Variants in GABRR2 observed in about 807,000 individuals in gnomAD.
The protein encoded by GABRR2 is gamma-aminobutyric acid type A receptor subunit rho2, also known as gamma-aminobutyric acid receptor subunit rho-2.
Under a neutral mutation model 47.0 loss-of-function variants are expected in GABRR2, and 36 were observed. The ratio of observed to expected loss-of-function variants is 0.77; its 90% CI spans 0.59 to 1.01. The LOEUF (loss-of-function observed/expected upper bound fraction) is 1.01, where lower values mean the gene tolerates loss of function less well. GABRR2 is among the 50% of genes least tolerant of loss of function. The pLI, the probability that GABRR2 is intolerant of heterozygous loss-of-function variation, is 0.00. For synonymous variants in GABRR2, 204 were observed against 227.5 expected (o/e 0.90, Z 0.93); for missense variants, 587 against 594.6 (o/e 0.99, Z 0.13).
chr6:89,257,885 T>C lies in GABRR2; in HGVS notation c.1183A>G (p.Ser395Gly), dbSNP rs1773642901. 24 of 1,613,974 alleles carry C rather than the reference T, an allele frequency of 1.5e-5. No homozygotes were observed. Among genetic ancestry groups the C allele is most frequent in the Non-Finnish European group, 2.0e-5 (24 of 1,179,892 alleles). Residue 395 changes from serine (S) to glycine (G), a missense_variant, in exon 9 of 9, where the codon AGC (serine) becomes GGC (glycine). Coordinates refer to ENST00000402938, the MANE Select transcript of GABRR2 (RefSeq NM_002043.5). ...EANSLAGYPR[S>G]HILTEEERQD... ...CTTTCTTCTTCTGTCAGGATATGGCTTCTGGGGTACCCAGCCAGGCTGTTG... is the reference window on the plus strand; with the variant it reads ...CTTTCTTCTTCTGTCAGGATATGGCCTCTGGGGTACCCAGCCAGGCTGTTG...
At chr6:89,307,556 C>T (rs1003585824) in intron 1 of GABRR2, among the ~76,000 whole-genome samples, 1 of 152,178 alleles carries the variant, frequency 6.6e-6, no homozygotes, top group Non-Finnish European at 1.5e-5. Context: ...TTGAGAACCG[C>T]TAGGATAAGC....
chr6:89,282,695 C>G (rs1399560508), intron 2 of GABRR2, among the ~76,000 whole-genome samples: 1 of 152,182 alleles, frequency 6.6e-6, no homozygotes, highest in East Asian at 1.9e-4. Context: ...GGCCTTCTAT[C>G]CAACAGCAGC....
At chr6:89,312,129 C>T (rs1562396449) in intron 1 of GABRR2, among the ~76,000 whole-genome samples, 1 of 152,118 alleles carries the variant, frequency 6.6e-6, no homozygotes, top group Non-Finnish European at 1.5e-5. Context: ...GGGCACAGCC[C>T]AGAGTCAGCT....
At chr6:89,263,196 C>T (rs543609431) in intron 8 of GABRR2, among the ~76,000 whole-genome samples, 2 of 152,264 alleles carry the variant, frequency 1.3e-5, no homozygotes, top group Admixed American at 6.5e-5. Context: ...AGGATGAAGT[C>T]GTTTATGATG....
In GABRR2 at chr6:89,299,841, A is replaced by G; in HGVS notation, c.138T>C (p.Asp46=). 5.0e-6 allele frequency: 8 copies of G among 1,613,494 alleles called. No homozygotes were observed. The highest frequency in any genetic ancestry group is 5.1e-6 in the Non-Finnish European group (6 of 1,179,388). ...GCTTTCCCTTCCGGATCTTGGTCACATCAAGGTTCTTCTTATATAAGTGAC... is the reference window on the plus strand; with the variant it reads ...GCTTTCCCTTCCGGATCTTGGTCACGTCAAGGTTCTTCTTATATAAGTGAC... ...KPSHLYKKNL[D]VTKIRKGKPQ... is the part of the protein sequence containing the mutation. Residue 46 remains aspartate (D), a synonymous_variant, in exon 2 of 9, where the codon GAT becomes GAC. Coordinates refer to ENST00000402938, the MANE Select transcript of GABRR2 (RefSeq NM_002043.5).
chr6:89,255,556 C>T lies in GABRR2; in HGVS notation c.*2114G>A, dbSNP rs1450986880. Among the ~76,000 whole-genome samples the T allele has an allele frequency of 6.6e-6, 1 of 152,082 alleles. No individual in the cohort carries two copies. The highest frequency in any genetic ancestry group is 1.5e-5 in the Non-Finnish European group (1 of 68,028). Reference sequence around the variant, plus strand: ...ACTGGGAAATCTAGTAGTCTTGGGTCCAGCAACTCCATAGTGGGGAAGCTG... The same window carrying T: ...ACTGGGAAATCTAGTAGTCTTGGGTTCAGCAACTCCATAGTGGGGAAGCTG... On this transcript the variant is annotated 3_prime_UTR_variant, in exon 9 of 9. Transcript: ENST00000402938.
At chr6:89,285,625 G>A (rs1582452848) in intron 2 of GABRR2, among the ~76,000 whole-genome samples, 1 of 152,126 alleles carries the variant, frequency 6.6e-6, no homozygotes. Flanking sequence ...ATGTGTTCAG[G>A]GGTCTGGGTT....
intron 1 of GABRR2, chr6:89,301,947 T>G: frequency 1.4e-5 from 13 of 925,782 alleles, no homozygotes; most frequent in Non-Finnish European, 2.1e-5. Flanking sequence ...ACGAGGCCTC[T>G]TCTCATAAGT....
intron 2 of GABRR2, among the ~76,000 whole-genome samples, chr6:89,288,450 G>A (rs1774371440): frequency 6.6e-6 from 1 of 152,002 alleles, no homozygotes; most frequent in African/African-American, 2.4e-5. Context: ...ACACCTTCGA[G>A]TGTTTTCACA....
chr6:89,272,082 G>A (rs951141320), intron 2 of GABRR2, among the ~76,000 whole-genome samples: 2 of 152,204 alleles, frequency 1.3e-5, no homozygotes, highest in African/African-American at 4.8e-5. Flanking sequence ...TGGGCCTCCT[G>A]TGACATCTGA....
At chr6:89,267,613 G>C (rs61372695) in intron 6 of GABRR2, 66 bp downstream of exon 6, 1 of 1,459,382 alleles carries the variant, frequency 6.9e-7, no homozygotes, top group Non-Finnish European at 9.4e-7. Context: ...CTGGGGTTAA[G>C]GCTGAAGAAG....
At chr6:89,282,788 A>T (rs1774271979) in intron 2 of GABRR2, among the ~76,000 whole-genome samples, 1 of 152,204 alleles carries the variant, frequency 6.6e-6, no homozygotes, top group Non-Finnish European at 1.5e-5. Context: ...CAGGCTTCAG[A>T]CCGAAGTGGA....
chr6:89,302,630 C>G, intron 1 of GABRR2: 1 of 1,264,112 alleles, frequency 7.9e-7, no homozygotes. Flanking sequence ...TGCCCGAGCT[C>G]ACCCCTCAGA....
intron 3 of GABRR2, chr6:89,270,627 A>G (rs1774029471): frequency 6.6e-6 from 1 of 152,246 alleles, no homozygotes; most frequent in African/African-American, 2.4e-5. Flanking sequence ...TGGGGGGTGT[A>G]CAACCTCAGT....
chr6:89,285,032 G>A (rs188416609), intron 2 of GABRR2, among the ~76,000 whole-genome samples: 92 of 152,312 alleles, frequency 6.0e-4, no homozygotes, highest in African/African-American at 2.2e-3. Context: ...CTGTGAAAAC[G>A]AGTTTGCCTG....
chr6:89,302,878 C>T (rs73752725), intron 1 of GABRR2: 53,331 of 1,244,278 alleles, frequency 0.043, 2,309 homozygotes, highest in African/African-American at 0.21. Flanking sequence ...AGCAACAGCA[C>T]GGGCATCCAG....
chr6:89,288,588 C>A (rs905139612), intron 2 of GABRR2, among the ~76,000 whole-genome samples: 1 of 152,208 alleles, frequency 6.6e-6, no homozygotes, highest in Admixed American at 6.5e-5. Context: ...TATTTTAAGT[C>A]ACTGTCTTAG....
chr6:89,266,143 G>T (rs1483395986), intron 6 of GABRR2, among the ~76,000 whole-genome samples: 3 of 152,140 alleles, frequency 2.0e-5, no homozygotes, highest in African/African-American at 7.2e-5. Context: ...GCTCACTGCA[G>T]CCTCAGCCTC....
At chr6:89,292,769 T>G (rs1195010794) in intron 2 of GABRR2, among the ~76,000 whole-genome samples, 2 of 42,352 alleles carry the variant, frequency 4.7e-5, no homozygotes, top group Non-Finnish European at 7.3e-5. Context: ...ATACGATATA[T>G]CGTATATATC....
Sources: allele counts gnomAD v4.1 joint callset (sites outside exome capture counted in the v4.1 genomes callset), GRCh38; gene constraint gnomAD v4.1.1; transcripts MANE v1.5; gene names NCBI Gene and HGNC (gene_info 2026-07-23, HGNC 2026-07-21).